Variants in EVL observed in about 807,000 individuals in gnomAD.
The protein encoded by EVL is ena/VASP-like protein.
A neutral mutation model predicts 59.6 loss-of-function variants in EVL; 21 were observed. The ratio of observed to expected loss-of-function variants is 0.35; its 90% confidence interval spans 0.25 to 0.51. The LOEUF is 0.51. Among genes scored for constraint, EVL ranks in the 20% least tolerant of loss-of-function variants. EVL has a pLI of 0.97. For missense variants in EVL, 462 were observed against 546.6 expected (o/e 0.85, Z 1.54); for synonymous variants, 198 against 203.5 (o/e 0.97, Z 0.23).
At chr14:100,033,986 G>A (rs1332495283) in intron 1 of EVL, among the ~76,000 whole-genome samples, 2 of 152,090 alleles carry the variant, frequency 1.3e-5, no homozygotes, top group Non-Finnish European at 2.9e-5. Context: ...AGAACTTCAG[G>A]AGGCCGAGGT....
intron 1 of EVL, among the ~76,000 whole-genome samples, chr14:100,059,764 A>G (rs1463607994): frequency 6.6e-6 from 1 of 152,132 alleles, no homozygotes; most frequent in Non-Finnish European, 1.5e-5. Context: ...CCCTAGGGCT[A>G]AGTTCAAAAT....
intron 1 of EVL, among the ~76,000 whole-genome samples, chr14:99,975,750 C>G (rs945010108): frequency 2.6e-5 from 4 of 152,230 alleles, no homozygotes; most frequent in African/African-American, 9.6e-5. Context: ...CTGCCACTCA[C>G]CTCCTGCTGT....
At chr14:99,980,723 G>A (rs537395798) in intron 1 of EVL, among the ~76,000 whole-genome samples, 49 of 152,322 alleles carry the variant, frequency 3.2e-4, no homozygotes, top group Non-Finnish European at 4.6e-4. Context: ...TAGGGATTCC[G>A]TGTGTATCTT....
chr14:100,101,037 T>C (rs1439853215), intron 3 of EVL, among the ~76,000 whole-genome samples: 1 of 152,178 alleles, frequency 6.6e-6, no homozygotes, highest in Non-Finnish European at 1.5e-5. Flanking sequence ...TCCTTGGGCA[T>C]GTTTCTGTGT....
chr14:100,073,491 C>G (rs967101641), intron 1 of EVL, among the ~76,000 whole-genome samples: 6 of 151,916 alleles, frequency 3.9e-5, no homozygotes, highest in African/African-American at 1.5e-4. Flanking sequence ...GTGGCTAACA[C>G]TTTTTTATTT....
upstream of EVL, among the ~76,000 whole-genome samples, chr14:100,061,015 G>T (rs2061818910): frequency 6.6e-6 from 1 of 150,462 alleles, no homozygotes; most frequent in African/African-American, 2.4e-5. Flanking sequence ...CACAAAAAGT[G>T]CTTTGAAGCT....
At chr14:100,111,142 GTCC>G (rs1886951075) in intron 3 of EVL, among the ~76,000 whole-genome samples, 1 of 141,910 alleles carries the variant, frequency 7.0e-6, no homozygotes, top group Non-Finnish European at 1.5e-5. Flanking sequence ...AAGCCTTAGT[GTCC>G]TCATTTTTTT....
intron 1 of EVL, among the ~76,000 whole-genome samples, chr14:100,023,578 C>A (rs898693191): frequency 3.3e-5 from 5 of 151,750 alleles, no homozygotes; most frequent in Non-Finnish European, 7.4e-5. Context: ...CCCCCTGCCT[C>A]GGCCTCCCAA....
At chr14:100,103,959 C>A (rs568815533) in intron 3 of EVL, among the ~76,000 whole-genome samples, 1 of 152,114 alleles carries the variant, frequency 6.6e-6, no homozygotes, top group Non-Finnish European at 1.5e-5. Flanking sequence ...CAGGAGGGTG[C>A]GTGTGAGCGT....
chr14:99,994,112 C>CTTTTTTT (rs751533422), intron 1 of EVL, among the ~76,000 whole-genome samples: 45 of 55,170 alleles, frequency 8.2e-4, no homozygotes, highest in East Asian at 2.0e-3. Context: ...AGCCTTTTGG[C>CTTTTTTT]TTTTTTTTTT....
intron 1 of EVL, among the ~76,000 whole-genome samples, chr14:100,038,291 A>G (rs2140228870): frequency 6.6e-6 from 1 of 152,380 alleles, no homozygotes; most frequent in Non-Finnish European, 1.5e-5. Context: ...TGGACAAAGC[A>G]AATAAATCCA....
At chr14:100,078,322 A>C (rs1270657370) in intron 1 of EVL, among the ~76,000 whole-genome samples, 1 of 152,198 alleles carries the variant, frequency 6.6e-6, no homozygotes, top group South Asian at 2.1e-4. Context: ...AAACCTGTGA[A>C]GGAGGCTGAG....
At chr14:100,081,513 CAA>C (rs34871876) in intron 1 of EVL, among the ~76,000 whole-genome samples, 21,067 of 122,266 alleles carry the variant, frequency 0.17, 2,498 homozygotes, top group African/African-American at 0.36. Flanking sequence ...TTAACAACAG[CAA>C]AAAAAAAAAA....
In EVL at chr14:100,137,955, G is replaced by A. The variant is rs151158124; in HGVS notation, c.1094+153G>A. 2.8e-4 allele frequency: 200 copies of A among 716,720 alleles called. No individual in the cohort carries two copies. In the African/African-American group the frequency reaches 2.8e-3, roughly 10 times the overall value. 44.4% of individuals were successfully genotyped at this position (716,720 alleles called of 1,614,324 possible). ...TCTGTTCTTTCAGACCCAGGACCTC[G>A]GGGTCCTGTCAGTCAGCTGCTCCGT... On this transcript the variant is annotated intron_variant, in intron 11 of 13. Transcript: ENST00000392920.
At chr14:100,025,150 C>G (rs980485517) in intron 1 of EVL, among the ~76,000 whole-genome samples, 1 of 152,162 alleles carries the variant, frequency 6.6e-6, no homozygotes, top group East Asian at 1.9e-4. Flanking sequence ...CAAATCATGT[C>G]ACTCCTGTTC....
chr14:100,137,426 C>T (rs1305195844), intron 9 of EVL, 152 bp from the exon 10 acceptor site: 3 of 722,934 alleles, frequency 4.1e-6, no homozygotes, highest in Non-Finnish European at 7.1e-6. Flanking sequence ...AACAAGGTGC[C>T]AGGTTTTGGC....
At chr14:100,056,515 T>C (rs756991209) in intron 1 of EVL, among the ~76,000 whole-genome samples, 12 of 152,216 alleles carry the variant, frequency 7.9e-5, no homozygotes, top group Non-Finnish European at 1.6e-4. Flanking sequence ...TTTCCCATGG[T>C]AGAGGTTGCT....
At chr14:100,140,586 A>T (rs2140408431) in intron 11 of EVL, 1 of 152,292 alleles carries the variant, frequency 6.6e-6, no homozygotes, top group East Asian at 1.9e-4. Flanking sequence ...ATTGCACTCC[A>T]ATCTGGGGAA....
At chr14:99,982,980 T>C (rs1281281211) in intron 1 of EVL, among the ~76,000 whole-genome samples, 1 of 152,190 alleles carries the variant, frequency 6.6e-6, no homozygotes, top group Non-Finnish European at 1.5e-5. Context: ...GAGGATCAAA[T>C]GAGAATACAT....
Sources: allele counts gnomAD v4.1 joint callset (sites outside exome capture counted in the v4.1 genomes callset), GRCh38; gene constraint gnomAD v4.1.1; transcripts MANE v1.5; gene names NCBI Gene and HGNC (gene_info 2026-07-23, HGNC 2026-07-21).